The following FGR variants were observed in gnomAD, a reference collection of about 807,000 sequenced individuals.
The protein encoded by FGR is tyrosine-protein kinase Fgr.
In FGR, 26 loss-of-function variants were observed where a neutral mutation model predicts 63.2. The observed-to-expected ratio is 0.41, with a 90% CI of 0.30 to 0.57. The LOEUF (loss-of-function observed/expected upper bound fraction) is 0.57, where lower values mean the gene tolerates loss of function less well. FGR is among the 20% of genes least tolerant of loss of function. The pLI is 0.27. For synonymous variants in FGR, 286 were observed against 277.7 expected (o/e 1.03, Z -0.30); for missense variants, 511 against 690.8 (o/e 0.74, Z 2.92).
At chr1:27,618,204 G>A (rs573799881) in intron 5 of FGR, among the ~76,000 whole-genome samples, 3 of 152,248 alleles carry the variant, frequency 2.0e-5, no homozygotes, top group South Asian at 2.1e-4. Flanking sequence ...GGAGGGGGAC[G>A]GAGGAAGTGT....
rs1300861005 is a variant in FGR at position 27,613,295 on chromosome 1, G to C, written c.1305C>G (p.Phe435Leu). ...TAPEAALFGR[F>L]TIKSDVWSFG... ...AGGACCACACGTCTGACTTGATGGTGAATCTGCCAAAGAGGGCAGCTTCTG... is the reference window on the plus strand; with the variant it reads ...AGGACCACACGTCTGACTTGATGGTCAATCTGCCAAAGAGGGCAGCTTCTG... Residue 435 changes from phenylalanine to leucine, a missense_variant, in exon 12 of 13, where the codon TTC (phenylalanine) becomes TTG (leucine). Physicochemically the swap from Phe to Leu is conservative, Grantham distance 22. Coordinates refer to ENST00000374005, the MANE Select transcript of FGR (RefSeq NM_005248.3). 1.2e-6 allele frequency: 2 copies of C among 1,614,082 alleles called. No homozygotes were observed. The highest frequency in any genetic ancestry group is 2.7e-5 in the African/African-American group (2 of 74,928).
chr1:27,633,887 G>T (rs2090140702), intron 1 of FGR, among the ~76,000 whole-genome samples: 1 of 152,208 alleles, frequency 6.6e-6, no homozygotes, highest in African/African-American at 2.4e-5. Flanking sequence ...ATTCTCGTGG[G>T]GGAAGAGTGG....
At chr1:27,628,039 G>A (rs2090048871) in intron 1 of FGR, among the ~76,000 whole-genome samples, 1 of 152,040 alleles carries the variant, frequency 6.6e-6, no homozygotes, top group South Asian at 2.1e-4. Context: ...AGGATTGCTT[G>A]GGTCCAGGAA....
At position 27,615,655 on chromosome 1, in the gene FGR, C is replaced by T. The variant is rs1421219476; in HGVS notation, c.838+34G>A. 1 of 1,594,110 alleles carries T rather than the reference C, an allele frequency of 6.3e-7. No individual in the cohort carries two copies. The highest frequency in any genetic ancestry group is 1.1e-5 in the South Asian group (1 of 90,254). ...TTGTCAGGACCCTCTCCCCCGAGCCCAGGCCCTCGTCCCGGCCCCCGGGAG... is the reference window on the plus strand; with the variant it reads ...TTGTCAGGACCCTCTCCCCCGAGCCTAGGCCCTCGTCCCGGCCCCCGGGAG... On this transcript the variant is annotated intron_variant, in intron 8 of 12. Transcript: ENST00000374005. The surrounding 1 kb of genome is among the most constrained non-coding windows in gnomAD (Gnocchi z 7.6).
Position 27,617,290 on chromosome 1 carries a change from G to A in FGR, c.435C>T (p.Tyr145=), listed in dbSNP as rs557881126. 1.9e-6 allele frequency: 3 copies of A among 1,613,462 alleles called. No individual in the cohort carries two copies. In the East Asian group the frequency reaches 6.7e-5, roughly 36 times the overall value. Reference sequence around the variant, plus strand: ...CATCCTTTCTCCCAATCTTTCCAAAGTACCACCTGTTGGGAAAGGCAGGCA... The same window carrying A: ...CATCCTTTCTCCCAATCTTTCCAAAATACCACCTGTTGGGAAAGGCAGGCA... ...PVDSIQAEEW[Y]FGKIGRKDAE... The change falls in exon 6 of 13, where the codon TAC becomes TAT. Residue 145 remains tyrosine, a synonymous_variant. Transcript: ENST00000374005. The surrounding 1 kb of genome is among the most constrained non-coding windows in gnomAD (Gnocchi z 4.5).
chr1:27,634,814 C>G (rs1417380672), intron 1 of FGR, among the ~76,000 whole-genome samples: 2 of 151,948 alleles, frequency 1.3e-5, no homozygotes, highest in Non-Finnish European at 2.9e-5. Context: ...TTTTGGGGGT[C>G]CCTTTGGTCG....
intron 11 of FGR, 138 bp downstream of exon 11, chr1:27,614,292 C>T (rs920246558): frequency 5.0e-5 from 51 of 1,010,772 alleles, no homozygotes; most frequent in Middle Eastern, 3.3e-4. Context: ...GATTTGAGCC[C>T]AGAATTGCCT....
chr1:27,632,648 C>T (rs1292453156), intron 1 of FGR, among the ~76,000 whole-genome samples: 1 of 151,974 alleles, frequency 6.6e-6, no homozygotes, highest in African/African-American at 2.4e-5. Context: ...GGTTTTCCAC[C>T]TGTTGCTGAA....
intron 10 of FGR, 93 bp downstream of exon 10, chr1:27,614,756 CG>C: frequency 7.4e-7 from 1 of 1,357,290 alleles, no homozygotes; most frequent in Admixed American, 2.0e-5. Context: ...ATGCAGGGGG[CG>C]GGGCCGCCCT....
At position 27,615,027 on chromosome 1, in the gene FGR, G is replaced by T. The variant is rs2148523981; in HGVS notation, c.1019-101C>A. ...CCCTCAGCCCCTCCCACCTGGACCC[G>T]CCCCTCACTTAGGACCCCGCGGGTG... On this transcript the variant is annotated intron_variant, in intron 9 of 12. Transcript: ENST00000374005. The surrounding 1 kb of genome is among the most constrained non-coding windows in gnomAD (Gnocchi z 7.6). The T allele has an allele frequency of 4.2e-6, 3 of 716,006 alleles. No individual in the cohort carries two copies. Among genetic ancestry groups the T allele is most frequent in the East Asian group, 3.5e-5 (1 of 28,854 alleles). The allele number at this position is 716,006 out of a possible 1,614,324, so 44.4% of individuals were successfully genotyped here.
rs939286364 is a variant in FGR at position 27,635,135 on chromosome 1, G to A, written c.-147C>T. 3 of 152,282 alleles carry A rather than the reference G, an allele frequency of 2.0e-5. No homozygotes were observed. The highest frequency in any genetic ancestry group is 7.2e-5 in the African/African-American group (3 of 41,448). The allele number at this position is 152,282 out of a possible 1,614,324, so 9.4% of individuals were successfully genotyped here. On this transcript the variant is annotated 5_prime_UTR_variant, in exon 1 of 13. Transcript: ENST00000374005. Reference sequence around the variant, plus strand: ...CCAGCAGCCGCGAGTGCCGGCGTGCGGGGAGAACTGGGGTGCTGCCCGCCT... The same window carrying A: ...CCAGCAGCCGCGAGTGCCGGCGTGCAGGGAGAACTGGGGTGCTGCCCGCCT...
chr1:27,621,359 G>A lies in FGR; in HGVS notation c.428+200C>T, dbSNP rs11802103. Reference sequence around the variant, plus strand: ...ATACACAGACAGTACTTTGAATAGTGCCCAGAACATAGTACATGCTCTATT... The same window carrying A: ...ATACACAGACAGTACTTTGAATAGTACCCAGAACATAGTACATGCTCTATT... On this transcript the variant is annotated intron_variant, in intron 5 of 12. Coordinates refer to ENST00000374005, the MANE Select transcript of FGR (RefSeq NM_005248.3). 9.0e-3 allele frequency among the ~76,000 whole-genome samples: 1,375 copies of A among 152,256 alleles called. 19 individuals carry two copies. The highest frequency in any genetic ancestry group is 0.031 in the African/African-American group (1,305 of 41,538).
intron 1 of FGR, among the ~76,000 whole-genome samples, chr1:27,628,883 G>A (rs1211339197): frequency 6.6e-6 from 1 of 152,188 alleles, no homozygotes; most frequent in Non-Finnish European, 1.5e-5. Flanking sequence ...ACTTGATGCA[G>A]ACCAAAGCCC....
At chr1:27,624,870 G>A (rs753307814) in intron 2 of FGR, among the ~76,000 whole-genome samples, 3 of 152,122 alleles carry the variant, frequency 2.0e-5, no homozygotes, top group Non-Finnish European at 2.9e-5. Flanking sequence ...GTGAGGCTGT[G>A]TGTCTGCACC....
At chr1:27,623,658 A>G (rs1214142374) in intron 3 of FGR, 33 bp downstream of exon 3, 1 of 1,603,568 alleles carries the variant, frequency 6.2e-7, no homozygotes, top group Non-Finnish European at 8.5e-7. Flanking sequence ...CCCAGGATCC[A>G]GGCAGCTCCT....
At chr1:27,629,477 G>A (rs2090073602) in intron 1 of FGR, among the ~76,000 whole-genome samples, 1 of 151,900 alleles carries the variant, frequency 6.6e-6, no homozygotes, top group African/African-American at 2.4e-5. Context: ...GATAGAAACA[G>A]AGAGAGGCAG....
intron 1 of FGR, among the ~76,000 whole-genome samples, chr1:27,631,309 A>T (rs570108218): frequency 6.6e-6 from 1 of 152,276 alleles, no homozygotes; most frequent in South Asian, 2.1e-4. Flanking sequence ...CCCAGCAGGG[A>T]GGGACCCTGC....
intron 5 of FGR, 36 bp downstream of exon 5, chr1:27,621,523 G>C (rs182645723): frequency 1.9e-4 from 289 of 1,520,216 alleles, no homozygotes; most frequent in Non-Finnish European, 2.4e-4. Flanking sequence ...CCAGGGTCCT[G>C]TCCATAGGGC....
rs998446016 is a variant in FGR, at chr1:27,615,456, G to T, written c.996C>A (p.Ile332=). 4 of 1,603,698 alleles carry T rather than the reference G, an allele frequency of 2.5e-6. No homozygotes were observed. Among genetic ancestry groups the T allele is most frequent in the African/African-American group, 2.7e-5 (2 of 74,718 alleles). Residue 332 remains isoleucine (I), a synonymous_variant, in exon 9 of 13, where the codon ATC becomes ATA. Transcript: ENST00000374005. This position sits in a 1 kb window ranked among gnomAD's most constrained non-coding sequence, Gnocchi z 7.6. ...GACCGTGACACATGAACTCGGTCAC[G>T]ATGTAGATGGGCTCCTCCGACACCA... ...YAVVSEEPIY[I]VTEFMCHGSL...
Sources: gnomAD v4.1 joint callset for allele counts (sites outside exome capture counted in the v4.1 genomes callset) on GRCh38, gnomAD v4.1.1 for gene constraint, Gnocchi (gnomAD v3.1) non-coding constraint, MANE v1.5 for transcripts, NCBI Gene and HGNC (gene_info 2026-07-23, HGNC 2026-07-21) for gene names.